RMDN1: variants seen among roughly 807,000 people sequenced by gnomAD.
RMDN1 encodes regulator of microtubule dynamics 1, also known as regulator of microtubule dynamics protein 1.
Under a neutral mutation model 48.9 loss-of-function variants are expected in RMDN1, and 48 were observed. The ratio of observed to expected loss-of-function variants is 0.98; its 90% CI spans 0.78 to 1.25. The LOEUF is 1.25. Ranked by LOEUF, RMDN1 falls within the 50% of genes most tolerant of loss-of-function variation. The pLI is 0.00. For synonymous variants in RMDN1, 148 were observed against 132.6 expected (o/e 1.12, Z -0.80); for missense variants, 418 against 373.4 (o/e 1.12, Z -0.98).
At chr8:86,508,409 G>A (rs935591177) in intron 1 of RMDN1, 83 bp downstream of exon 1, 11 of 1,414,922 alleles carry the variant, frequency 7.8e-6, no homozygotes, top group Non-Finnish European at 1.0e-5. Flanking sequence ...TAGGCAGCGC[G>A]GGGCCGCCAC....
At chr8:86,472,270 CAA>C (rs1479926996), downstream of RMDN1, 4 of 605,236 alleles carry the variant, frequency 6.6e-6, no homozygotes, top group African/African-American at 7.4e-5. Context: ...CTCCATAATT[CAA>C]AACTTTCTGA....
downstream of RMDN1, chr8:86,470,395 G>A (rs1490563321): frequency 2.3e-6 from 3 of 1,284,936 alleles, no homozygotes; most frequent in African/African-American, 1.5e-5. Flanking sequence ...AATGTGACAC[G>A]TGGGGAATCA....
upstream of RMDN1, among the ~76,000 whole-genome samples, chr8:86,510,353 C>T (rs116964794): frequency 1.3e-3 from 203 of 152,230 alleles, 1 homozygote; most frequent in South Asian, 4.2e-3. Flanking sequence ...CCAATACTGT[C>T]CTTTATACTA....
At chr8:86,474,999 TTTTA>T in intron 8 of RMDN1, 46 bp from the exon 9 acceptor site, 1 of 1,510,762 alleles carries the variant, frequency 6.6e-7, no homozygotes, top group Non-Finnish European at 8.8e-7. Context: ...ACAGTGTTGC[TTTTA>T]TTTTTAAAGG....
rs146175904 is a variant in RMDN1, at chr8:86,497,017, A to T, written c.248-8378T>A. On this transcript the variant is annotated intron_variant, in intron 2 of 9. Transcript: ENST00000406452. ...AAAACCACACAATTACATGGAAATT[A>T]AACAATTTGCTCCTGCATGACTTCT... Among the ~76,000 whole-genome samples the T allele has an allele frequency of 6.5e-3, 993 of 152,348 alleles. 10 individuals are homozygous for T. The highest frequency in any genetic ancestry group is 0.023 in the African/African-American group (953 of 41,574).
At position 86,473,892 on chromosome 8, in the gene RMDN1, C is replaced by T. The variant is rs1406865916; in HGVS notation, c.*416G>A. On this transcript the variant is annotated 3_prime_UTR_variant, in exon 10 of 10. Coordinates refer to ENST00000406452, the MANE Select transcript of RMDN1 (RefSeq NM_016033.3). ...TCAGGAACCCACAACATCCTAACCACTGTCACCACACCTTCTCTTCAAGAT... is the reference window on the plus strand; with the variant it reads ...TCAGGAACCCACAACATCCTAACCATTGTCACCACACCTTCTCTTCAAGAT... The T allele has an allele frequency of 1.0e-6, 1 of 997,302 alleles. No homozygotes were observed. Among genetic ancestry groups the T allele is most frequent in the Non-Finnish European group, 1.2e-6 (1 of 837,980 alleles). 61.8% of individuals were successfully genotyped at this position (997,302 alleles called of 1,614,324 possible).
At chr8:86,509,259 C>T (rs1819911207), upstream of RMDN1, among the ~76,000 whole-genome samples, 2 of 151,944 alleles carry the variant, frequency 1.3e-5, no homozygotes, top group Admixed American at 1.3e-4. Flanking sequence ...ATACTGATGC[C>T]CTTGAATGCT....
chr8:86,490,927 G>A (rs1288592770), intron 2 of RMDN1, among the ~76,000 whole-genome samples: 1 of 151,874 alleles, frequency 6.6e-6, no homozygotes, highest in African/African-American at 2.4e-5. Flanking sequence ...GGAGGCTGAG[G>A]TGGAAGGATC....
chr8:86,482,011 G>A (rs936204163), intron 5 of RMDN1: 15 of 820,976 alleles, frequency 1.8e-5, no homozygotes, highest in South Asian at 5.9e-5. Flanking sequence ...AGTCCTATAC[G>A]AAGTTGTTCT....
chr8:86,499,494 G>A (rs1817875284), intron 2 of RMDN1, among the ~76,000 whole-genome samples: 1 of 151,936 alleles, frequency 6.6e-6, no homozygotes, highest in East Asian at 1.9e-4. Context: ...AAAATACTTA[G>A]GAATACAGTT....
At chr8:86,482,054 T>G in intron 5 of RMDN1, 2 of 673,278 alleles carry the variant, frequency 3.0e-6, no homozygotes, top group South Asian at 3.5e-5. Flanking sequence ...TCACTGGTCC[T>G]CCTGCTAAAG....
At chr8:86,503,802 C>T (rs1348836377) in intron 2 of RMDN1, 2 of 522,122 alleles carry the variant, frequency 3.8e-6, no homozygotes, top group African/African-American at 1.9e-5. Context: ...GTTGGTATGA[C>T]TGGCTCCTTT....
chr8:86,495,704 T>C (rs980796862), intron 2 of RMDN1, among the ~76,000 whole-genome samples: 5 of 152,106 alleles, frequency 3.3e-5, no homozygotes, highest in African/African-American at 1.2e-4. Context: ...GGGAGGACTT[T>C]TGAAGCTGGA....
intron 2 of RMDN1, among the ~76,000 whole-genome samples, chr8:86,496,569 G>A (rs1236624346): frequency 6.6e-6 from 1 of 152,040 alleles, no homozygotes; most frequent in Non-Finnish European, 1.5e-5. Context: ...CAAGGATAAA[G>A]AGTTCAATTA....
At position 86,474,226 on chromosome 8, in the gene RMDN1, G is replaced by A. The variant is rs1488133798; in HGVS notation, c.*82C>T. On this transcript the variant is annotated 3_prime_UTR_variant, in exon 10 of 10. Coordinates refer to ENST00000406452, the MANE Select transcript of RMDN1 (RefSeq NM_016033.3). The stretch of plus-strand genomic sequence containing the variant: ...ACAACATTTAAAAAGCCGTAGAACA[G>A]TTATAGTTCATATATTAAGTTTAGA... 3 of 1,593,084 alleles carry A rather than the reference G, an allele frequency of 1.9e-6. No individual in the cohort carries two copies. The African/African-American group carries it at 4.1e-5, about 22-fold the overall frequency.
At chr8:86,509,519 T>C (rs902729560), upstream of RMDN1, among the ~76,000 whole-genome samples, 5 of 152,140 alleles carry the variant, frequency 3.3e-5, no homozygotes, top group African/African-American at 7.2e-5. Flanking sequence ...AAAAATCTTA[T>C]GGGTAATAAG....
chr8:86,488,664 G>A, intron 2 of RMDN1, 25 bp from the exon 3 acceptor site: 1 of 1,546,594 alleles, frequency 6.5e-7, no homozygotes, highest in Non-Finnish European at 8.9e-7. Flanking sequence ...AAGGAAAAAA[G>A]ACACAATAAA....
chr8:86,482,053 C>G, intron 5 of RMDN1: 1 of 672,188 alleles, frequency 1.5e-6, no homozygotes, highest in Non-Finnish European at 2.7e-6. Context: ...ATCACTGGTC[C>G]TCCTGCTAAA....
At chr8:86,478,757 C>T (rs1182058097) in intron 7 of RMDN1, 166 bp downstream of exon 7, 1 of 624,910 alleles carries the variant, frequency 1.6e-6, no homozygotes, top group Non-Finnish European at 2.8e-6. Context: ...AACCACTCAC[C>T]AGTCAAGGAT....
Sources: gnomAD v4.1 joint callset for allele counts (sites outside exome capture counted in the v4.1 genomes callset) on GRCh38, gnomAD v4.1.1 for gene constraint, MANE v1.5 for transcripts, NCBI Gene and HGNC (gene_info 2026-07-23, HGNC 2026-07-21) for gene names.